ITPRIP: variants seen among roughly 807,000 people sequenced by gnomAD.
The protein encoded by ITPRIP is inositol 1,4,5-trisphosphate receptor interacting protein.
In ITPRIP, 32 loss-of-function variants were observed where a neutral mutation model predicts 35.8. The ratio of observed to expected loss-of-function variants is 0.89; its 90% CI spans 0.68 to 1.20. The LOEUF (loss-of-function observed/expected upper bound fraction) is 1.20. Among genes scored for constraint, ITPRIP ranks in the 50% most tolerant of loss-of-function variants. The pLI is 0.00. For synonymous variants in ITPRIP, 358 were observed against 324.0 expected (o/e 1.11, Z -1.13); for missense variants, 653 against 735.6 (o/e 0.89, Z 1.30).
chr10:104,322,414 A>C (rs1021417303), intron 1 of ITPRIP, among the ~76,000 whole-genome samples: 3 of 152,210 alleles, frequency 2.0e-5, no homozygotes, highest in Non-Finnish European at 4.4e-5. Flanking sequence ...AGTGGTTCTC[A>C]ACGTGCTTAG....
In ITPRIP at chr10:104,311,444, T is replaced by C. The variant is rs566118397; in HGVS notation, c.*2964A>G. The C allele has an allele frequency of 6.6e-6, 1 of 152,314 alleles. No homozygotes were observed. The highest frequency in any genetic ancestry group is 1.9e-4 in the East Asian group (1 of 5,190). The allele number at this position is 152,314 out of a possible 1,614,324, so 9.4% of individuals were successfully genotyped here. A position where few individuals can be genotyped will look rare whatever the true frequency, so the allele number is the denominator to read the frequency against. ...ACTCCAGACTGGATTCTGAGCACCA[T>C]GTAGGTTCAAGGCGGGGTCGGGGCA... On this transcript the variant is annotated 3_prime_UTR_variant, in exon 2 of 2. Transcript: ENST00000337478.
chr10:104,317,083 C>A (rs1003245759), intron 1 of ITPRIP, among the ~76,000 whole-genome samples: 17 of 152,324 alleles, frequency 1.1e-4, no homozygotes, highest in African/African-American at 3.1e-4. Flanking sequence ...AGCCCTTATC[C>A]TCCTCTTCTG....
Position 104,312,970 on chromosome 10 carries a change from G to A in ITPRIP, c.*1438C>T. 1.0e-6 allele frequency: 1 copy of A among 985,474 alleles called. No homozygotes were observed. Among genetic ancestry groups the A allele is most frequent in the Non-Finnish European group, 1.2e-6 (1 of 829,956 alleles). 61.0% of individuals were successfully genotyped at this position (985,474 alleles called of 1,614,324 possible). A position where few individuals can be genotyped will look rare whatever the true frequency, so the allele number is the denominator to read the frequency against. On this transcript the variant is annotated 3_prime_UTR_variant, in exon 2 of 2. Transcript: ENST00000337478. ...CCAGTGAAGCCACAGGTGGAAAAGA[G>A]CCTTCCTGATCCCCCTGAACCAGAC...
At chr10:104,327,896 G>T (rs1241000170) in intron 1 of ITPRIP, among the ~76,000 whole-genome samples, 1 of 152,226 alleles carries the variant, frequency 6.6e-6, no homozygotes, top group Non-Finnish European at 1.5e-5. Flanking sequence ...TGTCGCCCTG[G>T]TGTGCCCGAC....
In ITPRIP at chr10:104,310,639, G is replaced by A. The variant is rs964918850; in HGVS notation, c.*3769C>T. ...GATAAGAATAGCACCTACATCATAGGACTGACATGGAACTGTGTGCATTAA... is the reference window on the plus strand; with the variant it reads ...GATAAGAATAGCACCTACATCATAGAACTGACATGGAACTGTGTGCATTAA... On this transcript the variant is annotated 3_prime_UTR_variant, in exon 2 of 2. Transcript: ENST00000337478. 20 of 152,114 alleles carry A rather than the reference G, an allele frequency of 1.3e-4. No homozygotes were observed. Among genetic ancestry groups the A allele is most frequent in the African/African-American group, 4.8e-4 (20 of 41,400 alleles). The allele number at this position is 152,114 out of a possible 1,614,324, so 9.4% of individuals were successfully genotyped here.
chr10:104,317,849 G>T (rs1408845895), intron 1 of ITPRIP, among the ~76,000 whole-genome samples: 1 of 152,250 alleles, frequency 6.6e-6, no homozygotes, highest in Non-Finnish European at 1.5e-5. Flanking sequence ...CAAGTGGCAG[G>T]ATGGAGATGG....
At chr10:104,329,984 G>A (rs2014115559) in intron 1 of ITPRIP, among the ~76,000 whole-genome samples, 1 of 152,200 alleles carries the variant, frequency 6.6e-6, no homozygotes, top group Non-Finnish European at 1.5e-5. Context: ...TGACTAAGTT[G>A]TCTCCTCCAC....
At position 104,315,636 on chromosome 10, in the gene ITPRIP, T is replaced by G. The variant is rs1186478454; in HGVS notation, c.416A>C (p.Lys139Thr). 3 of 1,612,496 alleles carry G rather than the reference T, an allele frequency of 1.9e-6. No individual in the cohort carries two copies. The highest frequency in any genetic ancestry group is 2.5e-6 in the Non-Finnish European group (3 of 1,179,800). Residue 139 changes from lysine to threonine, a missense_variant, in exon 2 of 2, where the codon AAG (lysine) becomes ACG (threonine). Physicochemically the swap from Lys to Thr is moderately conservative, Grantham distance 78. Transcript: ENST00000337478. This position sits in a 1 kb window ranked among gnomAD's most constrained non-coding sequence, Gnocchi z 5.7. ...APLQGLTLPNKATLGHFYERC... is the reference protein window; with the variant it reads ...APLQGLTLPNTATLGHFYERC... The stretch of plus-strand genomic sequence containing the variant: ...CTCATAAAAGTGGCCAAGCGTGGCC[T>G]TGTTGGGCAGGGTGAGGCCCTGCAA...
intron 1 of ITPRIP, 62 bp from the exon 2 acceptor site, chr10:104,316,126 C>CCG: frequency 7.4e-7 from 1 of 1,354,278 alleles, no homozygotes. Context: ...GTCCCTGGGC[C>CCG]CCGCACCAAC....
At chr10:104,321,003 C>T (rs1317997314) in intron 1 of ITPRIP, among the ~76,000 whole-genome samples, 1 of 152,194 alleles carries the variant, frequency 6.6e-6, no homozygotes, top group African/African-American at 2.4e-5. Context: ...GGGAAGGAAA[C>T]AGGGCATTCT....
intron 1 of ITPRIP, among the ~76,000 whole-genome samples, chr10:104,324,471 TGCGTTTGCG>T (rs1375850930): frequency 6.6e-6 from 1 of 151,856 alleles, no homozygotes; most frequent in Non-Finnish European, 1.5e-5. Context: ...GTGGAAAGGG[TGCGTTTGCG>T]GCTCTGGGCT....
rs764373830 is a variant in ITPRIP, at chr10:104,315,173, C to T, written c.879G>A (p.Leu293=). The change falls in exon 2 of 2, where the codon CTG becomes CTA. Residue 293 remains leucine, a synonymous_variant. Coordinates refer to ENST00000337478, the MANE Select transcript of ITPRIP (RefSeq NM_001272013.2). The surrounding 1 kb of genome is among the most constrained non-coding windows in gnomAD (Gnocchi z 5.7). ...MENLLCATDS[L]YLDTMQVMKW... is the part of the protein sequence containing the mutation. The stretch of plus-strand genomic sequence containing the variant: ...TCATGACCTGCATCGTGTCCAGGTA[C>T]AGGGAATCTGTGGCACACAGCAGGT... 6 of 1,614,004 alleles carry T rather than the reference C, an allele frequency of 3.7e-6. No individual in the cohort carries two copies. The East Asian group carries it at 1.1e-4, about 30-fold the overall frequency.
At chr10:104,331,491 C>T (rs868530021) in intron 1 of ITPRIP, among the ~76,000 whole-genome samples, 15 of 151,800 alleles carry the variant, frequency 9.9e-5, no homozygotes, top group South Asian at 4.2e-4. Flanking sequence ...GAGGAGGGGG[C>T]GAGAGTTGGG....
At chr10:104,316,202 C>T (rs1441725602) in intron 1 of ITPRIP, 138 bp from the exon 2 acceptor site, 3 of 725,512 alleles carry the variant, frequency 4.1e-6, no homozygotes, top group Non-Finnish European at 6.5e-6. Context: ...CTCCCTGCGG[C>T]TGCCTCAGGA....
Position 104,311,193 on chromosome 10 carries a change from C to T in ITPRIP, c.*3215G>A, listed in dbSNP as rs797016191. ...ACGGCACTAGCGTGAATGTGGGTGC[C>T]CTCATGAGAAGCTTGTGGTGTAGCT... On this transcript the variant is annotated 3_prime_UTR_variant, in exon 2 of 2. Transcript: ENST00000337478. 6.6e-5 allele frequency: 10 copies of T among 152,300 alleles called. No individual in the cohort carries two copies. Among genetic ancestry groups the T allele is most frequent in the African/African-American group, 2.2e-4 (9 of 41,546 alleles). The allele number at this position is 152,300 out of a possible 1,614,324, so 9.4% of individuals were successfully genotyped here.
Position 104,314,290 on chromosome 10 carries a change from C to A in ITPRIP, c.*118G>T. The A allele has an allele frequency of 6.6e-7, 1 of 1,508,888 alleles. No homozygotes were observed. Among genetic ancestry groups the A allele is most frequent in the Non-Finnish European group, 8.8e-7 (1 of 1,132,210 alleles). The allele number at this position is 1,508,888 out of a possible 1,614,324, so 93.5% of individuals were successfully genotyped here. A position where few individuals can be genotyped will look rare whatever the true frequency, so the allele number is the denominator to read the frequency against. On this transcript the variant is annotated 3_prime_UTR_variant, in exon 2 of 2. Coordinates refer to ENST00000337478, the MANE Select transcript of ITPRIP (RefSeq NM_001272013.2). ...GGGCTTGGCTTCCTGGCAGGCTGAG[C>A]ACGGCTCCCACGAAAGCCCGCCTTG... is the stretch of plus-strand genomic sequence containing the variant.
At chr10:104,329,856 T>C (rs1224990639) in intron 1 of ITPRIP, among the ~76,000 whole-genome samples, 1 of 152,246 alleles carries the variant, frequency 6.6e-6, no homozygotes, top group Non-Finnish European at 1.5e-5. Flanking sequence ...CTGGTACTGG[T>C]GCTGCGGTCA....
chr10:104,321,935 G>A (rs1464145366), intron 1 of ITPRIP, among the ~76,000 whole-genome samples: 6 of 152,086 alleles, frequency 3.9e-5, no homozygotes. Context: ...GGAACATGAT[G>A]GATGCTTCAG....
At chr10:104,336,972 A>G (rs995151543) in intron 1 of ITPRIP, among the ~76,000 whole-genome samples, 9 of 152,182 alleles carry the variant, frequency 5.9e-5, no homozygotes, top group Non-Finnish European at 8.8e-5. Context: ...AGTCAGTATA[A>G]CTACTTCATG....
Sources: gnomAD v4.1 joint callset for allele counts (sites outside exome capture counted in the v4.1 genomes callset) on GRCh38, gnomAD v4.1.1 for gene constraint, Gnocchi (gnomAD v3.1) non-coding constraint, MANE v1.5 for transcripts, NCBI Gene and HGNC (gene_info 2026-07-23, HGNC 2026-07-21) for gene names.